Variants in ARHGAP24 observed in about 807,000 individuals in gnomAD.
ARHGAP24 encodes rho GTPase-activating protein 24.
Under a neutral mutation model 76.4 loss-of-function variants are expected in ARHGAP24, and 50 were observed. That is an observed-to-expected ratio of 0.65 (90% confidence interval 0.52 to 0.83). The LOEUF is 0.83. ARHGAP24 is among the 40% of genes least tolerant of loss of function. The pLI is 0.00. For synonymous variants in ARHGAP24, 345 were observed against 323.3 expected (o/e 1.07, Z -0.72); for missense variants, 930 against 914.2 (o/e 1.02, Z -0.22).
chr4:85,950,674 T>A (rs1273035334), intron 5 of ARHGAP24, among the ~76,000 whole-genome samples: 1 of 109,410 alleles, frequency 9.1e-6, no homozygotes, highest in African/African-American at 3.7e-5. Flanking sequence ...TTCTTCTTTT[T>A]TCTTTTTTCT....
chr4:85,596,741 A>G (rs1719848289), intron 2 of ARHGAP24, among the ~76,000 whole-genome samples: 1 of 152,082 alleles, frequency 6.6e-6, no homozygotes, highest in Admixed American at 6.6e-5. Context: ...CATAATATCC[A>G]TAATTTTCCC....
At chr4:85,909,192 G>A (rs1419258814) in intron 3 of ARHGAP24, among the ~76,000 whole-genome samples, 1 of 152,054 alleles carries the variant, frequency 6.6e-6, no homozygotes, top group East Asian at 1.9e-4. Flanking sequence ...CTAACTTTGA[G>A]GTGTTTGCAG....
chr4:85,818,394 A>G (rs1187114554), intron 3 of ARHGAP24, among the ~76,000 whole-genome samples: 1 of 152,210 alleles, frequency 6.6e-6, no homozygotes, highest in Admixed American at 6.5e-5. Context: ...CCATCACACA[A>G]GCTAACATTA....
rs527859674 is a variant in ARHGAP24, at chr4:85,923,544, C to T, written c.269-104C>T. The T allele has an allele frequency of 1.0e-5, 15 of 1,488,664 alleles. No individual in the cohort carries two copies. The Admixed American group carries it at 1.3e-4, about 13-fold the overall frequency. 92.2% of individuals were successfully genotyped at this position (1,488,664 alleles called of 1,614,324 possible). ...TTTCATCATTGGGTAGAACTTAGTG[C>T]GGGCTGTATTAGGCACAGTCTCTGT... On this transcript the variant is annotated intron_variant, in intron 3 of 9. Transcript: ENST00000395184.
intron 3 of ARHGAP24, among the ~76,000 whole-genome samples, chr4:85,738,313 A>G (rs1174098092): frequency 6.6e-6 from 1 of 151,502 alleles, no homozygotes; most frequent in East Asian, 1.9e-4. Flanking sequence ...ATTTGCATAT[A>G]TCTCCTTTGG....
At chr4:85,531,923 A>T (rs1405931886) in intron 1 of ARHGAP24, among the ~76,000 whole-genome samples, 1 of 152,120 alleles carries the variant, frequency 6.6e-6, no homozygotes, top group Admixed American at 6.6e-5. Context: ...CCTATTTATT[A>T]CCAACTAACA....
chr4:85,977,761 C>T (rs1312071966), intron 8 of ARHGAP24, 70 bp downstream of exon 8: 2 of 1,575,350 alleles, frequency 1.3e-6, no homozygotes, highest in East Asian at 2.3e-5. Flanking sequence ...CCAGAATCTA[C>T]TCATCTCTGA....
At chr4:85,796,898 T>A (rs1013990003) in intron 3 of ARHGAP24, among the ~76,000 whole-genome samples, 3 of 151,880 alleles carry the variant, frequency 2.0e-5, no homozygotes, top group Non-Finnish European at 4.4e-5. Context: ...GCCAGAAAAA[T>A]TCATGTGGAG....
At chr4:85,712,666 G>A (rs1471864587) in intron 2 of ARHGAP24, among the ~76,000 whole-genome samples, 1 of 152,024 alleles carries the variant, frequency 6.6e-6, no homozygotes, top group Non-Finnish European at 1.5e-5. Flanking sequence ...CCACGTTCAT[G>A]TAGCCTCTCC....
intron 1 of ARHGAP24, 59 bp from the exon 2 acceptor site, chr4:85,570,463 A>G (rs1381207467): frequency 1.6e-6 from 2 of 1,278,466 alleles, no homozygotes; most frequent in Admixed American, 1.9e-5. Context: ...GTGGTTTAAA[A>G]GGGAGTTGAA....
At chr4:85,554,410 C>G (rs1034680924) in intron 1 of ARHGAP24, among the ~76,000 whole-genome samples, 18 of 152,084 alleles carry the variant, frequency 1.2e-4, no homozygotes, top group African/African-American at 4.1e-4. Context: ...TCCAAATTGC[C>G]TGTTATCTCC....
intron 3 of ARHGAP24, among the ~76,000 whole-genome samples, chr4:85,894,274 G>T (rs17011143): frequency 0.21 from 31,161 of 151,896 alleles, 3,447 homozygotes; most frequent in South Asian, 0.3. Context: ...CAGGGTTAAT[G>T]ACCAAGCTTA....
chr4:85,580,353 G>C (rs1301584329), intron 2 of ARHGAP24, among the ~76,000 whole-genome samples: 1 of 152,136 alleles, frequency 6.6e-6, no homozygotes, highest in East Asian at 1.9e-4. Flanking sequence ...ATTTGTGGCT[G>C]TTGATGACCA....
chr4:85,605,436 T>C (rs1401585008), intron 2 of ARHGAP24, among the ~76,000 whole-genome samples: 1 of 152,176 alleles, frequency 6.6e-6, no homozygotes, highest in Non-Finnish European at 1.5e-5. Context: ...CAGAGAAGTA[T>C]ACAAATATGT....
chr4:85,664,979 AC>A (rs1332305435), intron 2 of ARHGAP24, among the ~76,000 whole-genome samples: 1 of 152,182 alleles, frequency 6.6e-6, no homozygotes, highest in Admixed American at 6.5e-5. Context: ...CTGAAAAAAA[AC>A]ATATATTCTA....
At chr4:85,956,270 G>A (rs35922412) in intron 5 of ARHGAP24, among the ~76,000 whole-genome samples, 31,817 of 152,214 alleles carry the variant, frequency 0.21, 3,588 homozygotes, top group South Asian at 0.39. Context: ...CTAAAATCCT[G>A]AATAGCTGTT....
chr4:85,554,247 A>G (rs1352079472), intron 1 of ARHGAP24, among the ~76,000 whole-genome samples: 2 of 151,708 alleles, frequency 1.3e-5, no homozygotes, highest in Admixed American at 6.6e-5. Flanking sequence ...TTTTTCTTTC[A>G]TTTTGACCTG....
intron 2 of ARHGAP24, among the ~76,000 whole-genome samples, chr4:85,591,749 G>A (rs907613919): frequency 6.6e-6 from 1 of 152,180 alleles, no homozygotes; most frequent in Non-Finnish European, 1.5e-5. Context: ...GAAAAGGAGG[G>A]AAGTGGATTT....
chr4:85,642,727 A>G (rs1721572141), intron 2 of ARHGAP24, among the ~76,000 whole-genome samples: 1 of 152,166 alleles, frequency 6.6e-6, no homozygotes, highest in East Asian at 1.9e-4. Context: ...AGATTACTTC[A>G]AAAGTCCTTT....
Sources: allele counts gnomAD v4.1 joint callset (sites outside exome capture counted in the v4.1 genomes callset), GRCh38; gene constraint gnomAD v4.1.1; transcripts MANE v1.5; gene names NCBI Gene and HGNC (gene_info 2026-07-23, HGNC 2026-07-21).